Variants in MIR2052HG observed in about 807,000 individuals in gnomAD.
MIR2052HG encodes the protein MIR2052 host gene.
intron 2 of MIR2052HG, among the ~76,000 whole-genome samples, chr8:74,687,766 T>C (rs1454062644): frequency 6.6e-6 from 1 of 152,140 alleles, no homozygotes; most frequent in East Asian, 1.9e-4. Flanking sequence ...TATAACATAA[T>C]ACTTATAGTT....
rs11996418 is a variant in MIR2052HG at position 74,618,484 on chromosome 8, T to C, written n.216+5544T>C. Among the ~76,000 whole-genome samples, 470 of 152,272 alleles carry C rather than the reference T, an allele frequency of 3.1e-3. 3 individuals are homozygous for C. The highest frequency in any genetic ancestry group is 0.01 in the African/African-American group (433 of 41,560). On this transcript the variant is annotated intron_variant and non_coding_transcript_variant, in intron 2 of 6. Coordinates refer to ENST00000523442, the Ensembl canonical transcript of MIR2052HG. ...TGAGAGCCGGAAGGGAGGGGGCTTA[T>C]AGTACATTAAGAGTATATTTGATGT...
chr8:74,639,079 A>G (rs1449453745), intron 2 of MIR2052HG, among the ~76,000 whole-genome samples: 1 of 152,168 alleles, frequency 6.6e-6, no homozygotes, highest in Non-Finnish European at 1.5e-5. Context: ...CAAGAAGGAA[A>G]AGTATTTCTA....
chr8:74,741,756 C>T (rs76590106), intron 4 of MIR2052HG, among the ~76,000 whole-genome samples: 2,184 of 152,284 alleles, frequency 0.014, 47 homozygotes, highest in African/African-American at 0.049. Context: ...GTCACAGCCT[C>T]TTGCACTTAG....
chr8:74,666,790 A>T (rs976438227), intron 2 of MIR2052HG, among the ~76,000 whole-genome samples: 1 of 152,218 alleles, frequency 6.6e-6, no homozygotes, highest in Non-Finnish European at 1.5e-5. Context: ...TCTTGGTCAC[A>T]GTAGGTATAA....
chr8:74,744,481 C>G (rs936502979), intron 4 of MIR2052HG, among the ~76,000 whole-genome samples: 1 of 151,934 alleles, frequency 6.6e-6, no homozygotes, highest in Non-Finnish European at 1.5e-5. Flanking sequence ...CCCCCTCCCC[C>G]TACCCCACAA....
At chr8:74,695,145 C>T (rs1049199967) in intron 2 of MIR2052HG, among the ~76,000 whole-genome samples, 1 of 152,116 alleles carries the variant, frequency 6.6e-6, no homozygotes, top group Non-Finnish European at 1.5e-5. Flanking sequence ...GGATTTGTGC[C>T]CTATCTTTAG....
chr8:74,738,215 C>A (rs1301437855), intron 4 of MIR2052HG, among the ~76,000 whole-genome samples: 3 of 152,018 alleles, frequency 2.0e-5, no homozygotes, highest in Non-Finnish European at 4.4e-5. Context: ...GGCCCTCAAT[C>A]AACCTTCTTC....
intron 4 of MIR2052HG, among the ~76,000 whole-genome samples, chr8:74,720,531 C>T (rs1182290768): frequency 6.6e-6 from 1 of 152,160 alleles, no homozygotes; most frequent in Non-Finnish European, 1.5e-5. Flanking sequence ...ACAATTATCT[C>T]TAGCTTTTCA....
At chr8:74,635,016 C>A (rs1193234106) in intron 2 of MIR2052HG, among the ~76,000 whole-genome samples, 1 of 151,742 alleles carries the variant, frequency 6.6e-6, no homozygotes, top group Non-Finnish European at 1.5e-5. Flanking sequence ...CCATGAAGAA[C>A]AAGGTAAGTT....
chr8:74,619,986 CT>C (rs1457704232), intron 2 of MIR2052HG, among the ~76,000 whole-genome samples: 2 of 152,212 alleles, frequency 1.3e-5, no homozygotes, highest in Non-Finnish European at 2.9e-5. Flanking sequence ...AAGTTAGTTA[CT>C]TCCTAGATAC....
At chr8:74,692,234 G>T (rs1466673614) in intron 2 of MIR2052HG, among the ~76,000 whole-genome samples, 4 of 152,128 alleles carry the variant, frequency 2.6e-5, no homozygotes, top group Non-Finnish European at 5.9e-5. Flanking sequence ...GGAATTACAG[G>T]AGTGCATCAC....
chr8:74,735,415 A>G (rs1040297540), intron 4 of MIR2052HG, among the ~76,000 whole-genome samples: 1 of 152,174 alleles, frequency 6.6e-6, no homozygotes, highest in Non-Finnish European at 1.5e-5. Flanking sequence ...CAGTCCTCAT[A>G]TCTCATTTCC....
chr8:74,712,822 A>G (rs1288532415), intron 4 of MIR2052HG, among the ~76,000 whole-genome samples: 5 of 151,784 alleles, frequency 3.3e-5, no homozygotes, highest in African/African-American at 9.7e-5. Flanking sequence ...TTTTCTGTCC[A>G]TATTTAATAA....
chr8:74,672,016 G>C (rs988269629), intron 2 of MIR2052HG, among the ~76,000 whole-genome samples: 1 of 152,080 alleles, frequency 6.6e-6, no homozygotes, highest in African/African-American at 2.4e-5. Flanking sequence ...TAAATTTTAA[G>C]TCATCAGCAT....
In MIR2052HG at chr8:74,619,240, A is replaced by T. The variant is rs528719200; in HGVS notation, n.216+6300A>T. ...AAATTCAATCCCTATCAAAATTCTG[A>T]TGACATTTTTTAAAGAAATAAAAAA... On this transcript the variant is annotated intron_variant and non_coding_transcript_variant, in intron 2 of 6. Coordinates refer to ENST00000523442, the Ensembl canonical transcript of MIR2052HG. 2.1e-5 allele frequency among the ~76,000 whole-genome samples: 3 copies of T among 145,110 alleles called. No homozygotes were observed. The South Asian group carries it at 6.7e-4, about 32-fold the overall frequency.
At chr8:74,608,451 T>C (rs926672539) in intron 1 of MIR2052HG, among the ~76,000 whole-genome samples, 2 of 152,184 alleles carry the variant, frequency 1.3e-5, no homozygotes, top group African/African-American at 4.8e-5. Context: ...CTTAACACTA[T>C]CAATCAGGTT....
At chr8:74,720,284 G>A (rs1392634311) in intron 4 of MIR2052HG, among the ~76,000 whole-genome samples, 1 of 152,188 alleles carries the variant, frequency 6.6e-6, no homozygotes, top group Non-Finnish European at 1.5e-5. Flanking sequence ...CCCCAACAAA[G>A]TGAGTCTCTC....
intron 2 of MIR2052HG, among the ~76,000 whole-genome samples, chr8:74,662,233 C>G (rs1237692885): frequency 6.6e-6 from 1 of 152,208 alleles, no homozygotes; most frequent in Non-Finnish European, 1.5e-5. Context: ...GACATTTTCT[C>G]TCCCACAATA....
intron 4 of MIR2052HG, among the ~76,000 whole-genome samples, chr8:74,729,935 T>C (rs1354810320): frequency 6.6e-6 from 1 of 152,154 alleles, no homozygotes; most frequent in African/African-American, 2.4e-5. Flanking sequence ...AGAGTGACTA[T>C]AGGAAAAGAA....
Sources: allele counts gnomAD v4.1 joint callset (sites outside exome capture counted in the v4.1 genomes callset), GRCh38; gene constraint gnomAD v4.1.1; transcripts MANE v1.5; gene names NCBI Gene and HGNC (gene_info 2026-07-23, HGNC 2026-07-21).